Variants in ELL2 observed in about 807,000 individuals in gnomAD.
ELL2 encodes the protein RNA polymerase II elongation factor ELL2.
ELL2 carries 21 observed loss-of-function variants against 72.8 expected under a neutral mutation model. The ratio of observed to expected loss-of-function variants is 0.29; its 90% CI spans 0.20 to 0.42. ELL2 has a LOEUF of 0.42. Ranked by LOEUF, ELL2 falls within the 10% of genes least tolerant of loss-of-function variation. The probability of loss-of-function intolerance (pLI) is 1.00; values close to 1 mark genes in which losing one functional copy is unlikely to be tolerated. For synonymous variants in ELL2, 266 were observed against 283.2 expected (o/e 0.94, Z 0.61); for missense variants, 568 against 772.8 (o/e 0.73, Z 3.14).
chr5:95,942,925 A>G (rs576794318), intron 2 of ELL2, 77 bp downstream of exon 2: 3 of 1,139,876 alleles, frequency 2.6e-6, no homozygotes, highest in East Asian at 5.9e-5. Context: ...TAAAAGGGTC[A>G]ACTGAAAACG....
chr5:95,961,508 G>A, intron 1 of ELL2, 67 bp downstream of exon 1: 3 of 1,380,396 alleles, frequency 2.2e-6, no homozygotes, highest in Non-Finnish European at 2.8e-6. Context: ...CCCGCACCCG[G>A]GCGCGGCCAG....
intron 9 of ELL2, among the ~76,000 whole-genome samples, chr5:95,891,489 T>C (rs994515415): frequency 6.6e-6 from 1 of 152,184 alleles, no homozygotes. Context: ...GGAGAGTAAA[T>C]GTGGTAAAGA....
intron 2 of ELL2, among the ~76,000 whole-genome samples, chr5:95,942,597 A>T (rs1250826409): frequency 6.6e-6 from 1 of 152,006 alleles, no homozygotes; most frequent in Non-Finnish European, 1.5e-5. Flanking sequence ...TATACAACTT[A>T]AAAAAGTGCA....
chr5:95,954,613 T>TTTTTTTTTTTTG (rs1751560495), intron 1 of ELL2, among the ~76,000 whole-genome samples: 1 of 132,296 alleles, frequency 7.6e-6, no homozygotes. Flanking sequence ...TTTTTTTTTT[T>TTTTTTTTTTTTG]TGTATTTTAG....
At chr5:95,935,906 A>G (rs1213603503) in intron 2 of ELL2, among the ~76,000 whole-genome samples, 2 of 152,104 alleles carry the variant, frequency 1.3e-5, no homozygotes, top group South Asian at 4.1e-4. Flanking sequence ...GCATGTTAAA[A>G]TGCAAATCTG....
chr5:95,906,648 A>G lies in ELL2; in HGVS notation c.616T>C (p.Tyr206His). ...AGTAAGTGAATCACCCTGTCCCTGTATGGCCTCTGAGAGATGGTGCTGCTG... is the reference window on the plus strand; with the variant it reads ...AGTAAGTGAATCACCCTGTCCCTGTGTGGCCTCTGAGAGATGGTGCTGCTG... ...HSSSTISQRP[Y>H]RDRVIHLLAL... The change falls in exon 5 of 12, where the codon TAC becomes CAC. Residue 206 changes from tyrosine to histidine, a missense_variant. Physicochemically the swap from Tyr to His is moderately conservative, Grantham distance 83. This residue lies in a region of ELL2 where 511 missense variants were observed against 728.4 expected (regional missense o/e 0.70). Coordinates refer to ENST00000237853, the MANE Select transcript of ELL2 (RefSeq NM_012081.6). The G allele has an allele frequency of 6.2e-7, 1 of 1,614,086 alleles. No individual in the cohort carries two copies. The highest frequency in any genetic ancestry group is 1.1e-5 in the South Asian group (1 of 91,080).
intron 2 of ELL2, among the ~76,000 whole-genome samples, chr5:95,929,307 G>T (rs1162997942): frequency 6.7e-6 from 1 of 150,162 alleles, no homozygotes; most frequent in African/African-American, 2.5e-5. Context: ...CGCCCAGGCT[G>T]GAGTGCAGCG....
rs1371090175 is a variant in ELL2, at chr5:95,886,509, G to C, written c.*2362C>G. On this transcript the variant is annotated 3_prime_UTR_variant, in exon 12 of 12. Coordinates refer to ENST00000237853, the MANE Select transcript of ELL2 (RefSeq NM_012081.6). ...AACCAGAAGATGTGCTGATGTACAG[G>C]GTAGGAGCTCCAATGGCTAACCATT... 1 of 152,098 alleles carries C rather than the reference G, an allele frequency of 6.6e-6. No individual in the cohort carries two copies. The highest frequency in any genetic ancestry group is 1.5e-5 in the Non-Finnish European group (1 of 68,034). The allele number at this position is 152,098 out of a possible 1,614,324, so 9.4% of individuals were successfully genotyped here.
At chr5:95,919,660 G>C in intron 2 of ELL2, 115 bp from the exon 3 acceptor site, 1 of 1,229,168 alleles carries the variant, frequency 8.1e-7, no homozygotes, top group African/African-American at 1.6e-5. Flanking sequence ...AAGCCCTTTT[G>C]ATATATACAT....
At chr5:95,901,565 T>C (rs199936454) in intron 5 of ELL2, among the ~76,000 whole-genome samples, 1 of 143,382 alleles carries the variant, frequency 7.0e-6, no homozygotes, top group South Asian at 2.3e-4. Flanking sequence ...AGATTAACAA[T>C]AACTACTAAT....
At chr5:95,960,201 T>C (rs1751770666) in intron 1 of ELL2, among the ~76,000 whole-genome samples, 1 of 151,788 alleles carries the variant, frequency 6.6e-6, no homozygotes, top group East Asian at 1.9e-4. Flanking sequence ...CCGGTTGGAG[T>C]GTGTTCCTCA....
At chr5:95,955,739 T>C (rs1751605961) in intron 1 of ELL2, among the ~76,000 whole-genome samples, 1 of 152,168 alleles carries the variant, frequency 6.6e-6, no homozygotes, top group African/African-American at 2.4e-5. Context: ...GTTATATACA[T>C]GTTGTTTTCT....
In ELL2 at chr5:95,898,313, C is replaced by T. The variant is rs755585057; in HGVS notation, c.1452G>A (p.Glu484=). The T allele has an allele frequency of 1.2e-5, 20 of 1,613,258 alleles. No individual in the cohort carries two copies. The highest frequency in any genetic ancestry group is 1.6e-5 in the Non-Finnish European group (19 of 1,179,776). The change falls in exon 8 of 12, where the codon GAG becomes GAA. Residue 484 remains glutamate (E), a synonymous_variant. Coordinates refer to ENST00000237853, the MANE Select transcript of ELL2 (RefSeq NM_012081.6). ...QIKKHDIETI[E]EKEEDLKREE... ...CTCTCTTAAGATCTTCCTCCTTTTCCTCAATAGTCTCAATGTCGTGCTTTT... is the reference window on the plus strand; with the variant it reads ...CTCTCTTAAGATCTTCCTCCTTTTCTTCAATAGTCTCAATGTCGTGCTTTT...
intron 3 of ELL2, 45 bp from the exon 4 acceptor site, chr5:95,913,979 G>T (rs755163131): frequency 1.7e-5 from 25 of 1,497,630 alleles, no homozygotes; most frequent in Non-Finnish European, 2.0e-5. Flanking sequence ...CCTTCATTTT[G>T]TACAATAAAG....
At chr5:95,923,239 T>TG (rs1554076869) in intron 2 of ELL2, among the ~76,000 whole-genome samples, 2 of 123,062 alleles carry the variant, frequency 1.6e-5, no homozygotes, top group Non-Finnish European at 3.3e-5. Flanking sequence ...AAAAATAAAG[T>TG]GAAAAAAAAA....
chr5:95,936,548 T>C (rs1431277903), intron 2 of ELL2, among the ~76,000 whole-genome samples: 1 of 152,124 alleles, frequency 6.6e-6, no homozygotes, highest in East Asian at 1.9e-4. Context: ...TTTGAGAGGC[T>C]GAGGCGGGAG....
chr5:95,938,776 A>C (rs1198047435), intron 2 of ELL2, among the ~76,000 whole-genome samples: 1 of 152,176 alleles, frequency 6.6e-6, no homozygotes, highest in Non-Finnish European at 1.5e-5. Flanking sequence ...TATTTTCTAA[A>C]GCCTCTGGGA....
chr5:95,929,586 A>G lies in ELL2; in HGVS notation c.196-10041T>C, dbSNP rs139712633. On this transcript the variant is annotated intron_variant, in intron 2 of 11. Coordinates refer to ENST00000237853, the MANE Select transcript of ELL2 (RefSeq NM_012081.6). The stretch of plus-strand genomic sequence containing the variant: ...TTACCCACTTTTATATATATTTGAA[A>G]CACAGTGGAGTAGATACCTAATAAA... Among the ~76,000 whole-genome samples the G allele has an allele frequency of 6.8e-3, 1,039 of 152,198 alleles. 9 individuals are homozygous for G. The highest frequency in any genetic ancestry group is 0.023 in the African/African-American group (958 of 41,522).
intron 2 of ELL2, among the ~76,000 whole-genome samples, chr5:95,938,903 T>A (rs369371756): frequency 6.6e-6 from 1 of 152,184 alleles, no homozygotes; most frequent in African/African-American, 2.4e-5. Context: ...AAAGTTAGCA[T>A]TATTTCTCAC....
Sources: gnomAD v4.1 joint callset for allele counts (sites outside exome capture counted in the v4.1 genomes callset) on GRCh38, gnomAD v4.1.1 for gene constraint, gnomAD v4.1.1 regional missense constraint, MANE v1.5 for transcripts, NCBI Gene and HGNC (gene_info 2026-07-23, HGNC 2026-07-21) for gene names.